The following PPP1R12C variants were observed in gnomAD, a reference collection of about 807,000 sequenced individuals.
The protein encoded by PPP1R12C is leukocyte receptor cluster (LRC) encoded novel gene 3.
Under a neutral mutation model 95.6 loss-of-function variants are expected in PPP1R12C, and 48 were observed. The observed-to-expected ratio is 0.50, with a 90% CI of 0.40 to 0.64. PPP1R12C has a LOEUF of 0.64. Among genes scored for constraint, PPP1R12C ranks in the 30% least tolerant of loss-of-function variants. The pLI, the probability that PPP1R12C is intolerant of heterozygous loss-of-function variation, is 0.00. For missense variants in PPP1R12C, 1,057 were observed against 1,083.3 expected (o/e 0.98, Z 0.34); for synonymous variants, 480 against 460.8 (o/e 1.04, Z -0.53).
chr19:55,098,924 C>T (rs753140406), intron 5 of PPP1R12C, 27 bp downstream of exon 5: 19 of 1,601,684 alleles, frequency 1.2e-5, no homozygotes, highest in Admixed American at 1.7e-5. Flanking sequence ...CGCCCTGCCC[C>T]TCACCAGCCT....
chr19:55,113,348 AGGGGCCTGGGCGGGACT>A, intron 1 of PPP1R12C: 1 of 1,350,332 alleles, frequency 7.4e-7, no homozygotes, highest in East Asian at 2.8e-5. Context: ...GGACAGACTC[AGGGGCCTGGGCGGGACT>A]CCCAGAGGGG....
rs1489935763 is a variant in PPP1R12C, at chr19:55,098,808, C to T, written c.927G>A (p.Glu309=). 4.3e-6 allele frequency: 7 copies of T among 1,613,566 alleles called. No homozygotes were observed. Among genetic ancestry groups the T allele is most frequent in the Non-Finnish European group, 5.9e-6 (7 of 1,180,008 alleles). Residue 309 remains glutamate (E), a synonymous_variant, in exon 6 of 22, where the codon GAG becomes GAA. Coordinates refer to ENST00000263433, the MANE Select transcript of PPP1R12C (RefSeq NM_017607.4). ...LADEEVLSLL[E]ELARKQEDLR... is the part of the protein sequence containing the mutation. ...CGTCCTCCTGTTTCCGGGCCAGTTC[C>T]TCCAACAGGCTCAGTACTTCCTCAT...
chr19:55,094,834 G>A (rs911331940), intron 11 of PPP1R12C, 36 bp from the exon 12 acceptor site: 2 of 1,561,002 alleles, frequency 1.3e-6, no homozygotes, highest in Non-Finnish European at 1.7e-6. Context: ...ACATTACCCA[G>A]GTGCATTGTG....
At position 55,095,588 on chromosome 19, in the gene PPP1R12C, G is replaced by C. The variant is rs201640646; in HGVS notation, c.1243C>G (p.Pro415Ala). ...PKSPVQLEEAPFSRRFGLLKT... is the reference protein window; with the variant it reads ...PKSPVQLEEAAFSRRFGLLKT... ...AGGAGGCCAAAGCGCCTGGAGAAGGGGGCCTCTTCAAGCTGCTGGGAGAAG... is the reference window on the plus strand; with the variant it reads ...AGGAGGCCAAAGCGCCTGGAGAAGGCGGCCTCTTCAAGCTGCTGGGAGAAG... Residue 415 changes from proline (P) to alanine (A), a missense_variant, in exon 10 of 22, where the codon CCC (proline) becomes GCC (alanine). Transcript: ENST00000263433. The C allele has an allele frequency of 3.9e-5, 62 of 1,569,872 alleles. No homozygotes were observed. The highest frequency in any genetic ancestry group is 1.7e-4 in the Middle Eastern group (1 of 5,844).
Position 55,092,631 on chromosome 19 carries a change from T to G in PPP1R12C, c.1943A>C (p.Gln648Pro). Reference protein sequence around the residue: ...GEEAEPADRSQESSTLEGGPS... With the variant: ...GEEAEPADRSPESSTLEGGPS... The stretch of plus-strand genomic sequence containing the variant: ...CCCACCCCGCCCCTACCTGGACTCC[T>G]GGCTGCGGTCAGCCGGCTCCGCCTC... Residue 648 changes from glutamine (Q) to proline (P), a missense_variant, in exon 17 of 22, where the codon CAG (glutamine) becomes CCG (proline). By Grantham distance (76) the Gln-to-Pro change is moderately conservative. Transcript: ENST00000263433. 3 of 1,479,654 alleles carry G rather than the reference T, an allele frequency of 2.0e-6. No homozygotes were observed. The highest frequency in any genetic ancestry group is 2.7e-6 in the Non-Finnish European group (3 of 1,106,234). 91.7% of individuals were successfully genotyped at this position (1,479,654 alleles called of 1,614,324 possible).
intron 18 of PPP1R12C, 22 bp from the exon 19 acceptor site, chr19:55,092,348 G>A (rs1014655706): frequency 6.3e-6 from 10 of 1,576,618 alleles, no homozygotes; most frequent in Middle Eastern, 1.7e-4. Context: ...GTAGAGGAGG[G>A]TCAGGTGGAG....
chr19:55,102,962 G>T (rs1275521585), intron 4 of PPP1R12C, among the ~76,000 whole-genome samples: 1 of 152,208 alleles, frequency 6.6e-6, no homozygotes, highest in Non-Finnish European at 1.5e-5. Context: ...AGCACTTTGG[G>T]AGGCTGAGGT....
intron 3 of PPP1R12C, among the ~76,000 whole-genome samples, chr19:55,106,195 G>C (rs2085036528): frequency 6.6e-6 from 1 of 150,804 alleles, no homozygotes; most frequent in Non-Finnish European, 1.5e-5. Context: ...CCTTTACAGA[G>C]AAAGTTTGCT....
rs2147176940 is a variant in PPP1R12C, at chr19:55,092,615, C to T, written c.1952+7G>A. The T allele has an allele frequency of 1.3e-6, 2 of 1,536,162 alleles. No homozygotes were observed. The highest frequency in any genetic ancestry group is 2.1e-5 in the Admixed American group (1 of 47,548). On this transcript the variant is annotated splice_region_variant and intron_variant, in intron 17 of 21. Transcript: ENST00000263433. Reference sequence around the variant, plus strand: ...CGCAGACCCCACCTCTCCCACCCCGCCCCTACCTGGACTCCTGGCTGCGGT... The same window carrying T: ...CGCAGACCCCACCTCTCCCACCCCGTCCCTACCTGGACTCCTGGCTGCGGT...
chr19:55,092,897 C>T (rs768945307), intron 15 of PPP1R12C, 29 bp from the exon 16 acceptor site: 38 of 1,602,824 alleles, frequency 2.4e-5, no homozygotes, highest in Non-Finnish European at 3.1e-5. Context: ...TCAGCCCAGG[C>T]ACCTCCAGAG....
In PPP1R12C at chr19:55,112,530, G is replaced by A; in HGVS notation, c.508C>T (p.Pro170Ser). The A allele has an allele frequency of 6.2e-7, 1 of 1,613,230 alleles. No homozygotes were observed. The highest frequency in any genetic ancestry group is 8.5e-7 in the Non-Finnish European group (1 of 1,179,768). The change falls in exon 3 of 22, where the codon CCC becomes TCC. Residue 170 changes from proline to serine, a missense_variant. Around this residue, in one of 5 missense-constraint regions of PPP1R12C, gnomAD observed 282 missense variants for 380.4 expected, o/e 0.74. Coordinates refer to ENST00000263433, the MANE Select transcript of PPP1R12C (RefSeq NM_017607.4). ...GCGTCCGACTCGGCCAGGTCCAGGG[G>A]CAGGTCCCCGTCACTGTTGACGGCG... ...IAAVNSDGDL[P>S]LDLAESDAME...
At position 55,095,892 on chromosome 19, in the gene PPP1R12C, G is replaced by A. The variant is rs763184433; in HGVS notation, c.1202C>T (p.Pro401Leu). 2.5e-6 allele frequency: 4 copies of A among 1,613,478 alleles called. No individual in the cohort carries two copies. The highest frequency in any genetic ancestry group is 2.2e-5 in the East Asian group (1 of 44,880). Residue 401 changes from proline (P) to leucine (L), a missense_variant, in exon 9 of 22, where the codon CCG becomes CTG. By Grantham distance (98) the Pro-to-Leu change is moderately conservative (BLOSUM62 -3). Around this residue, in one of 5 missense-constraint regions of PPP1R12C, gnomAD observed 356 missense variants for 330.5 expected, o/e 1.08. Coordinates refer to ENST00000263433, the MANE Select transcript of PPP1R12C (RefSeq NM_017607.4). ...PRTLNGVSSPPHPSPKSPVQL... is the reference protein window; with the variant it reads ...PRTLNGVSSPLHPSPKSPVQL... ...CACGGGACTCTTAGGGCTGGGGTGCGGCGGGGAGGAGACGCCATTGAGGGT... is the reference window on the plus strand; with the variant it reads ...CACGGGACTCTTAGGGCTGGGGTGCAGCGGGGAGGAGACGCCATTGAGGGT...
chr19:55,117,380 A>T lies in PPP1R12C; in HGVS notation c.164T>A (p.Phe55Tyr). Residue 55 changes from phenylalanine to tyrosine, a missense_variant, in exon 1 of 22, where the codon TTC (phenylalanine) becomes TAC (tyrosine). Phe to Tyr is a conservative substitution (Grantham distance 22). Transcript: ENST00000263433. ...GTCGCCGCCCGCACAGGCCGCCAGG[A>T]ACTCGGCGGCGCGCTCGAAGCGGAC... ...RTVRFERAAE[F>Y]LAACAGGDLD... 9.2e-7 allele frequency: 1 copy of T among 1,088,714 alleles called. No homozygotes were observed. The highest frequency in any genetic ancestry group is 1.1e-6 in the Non-Finnish European group (1 of 898,390). The allele number at this position is 1,088,714 out of a possible 1,614,324, so 67.4% of individuals were successfully genotyped here.
At chr19:55,110,584 A>T (rs1263511254) in intron 3 of PPP1R12C, among the ~76,000 whole-genome samples, 1 of 152,220 alleles carries the variant, frequency 6.6e-6, no homozygotes, top group Non-Finnish European at 1.5e-5. Context: ...AATGCCTGCA[A>T]CACAGTCTCA....
At chr19:55,107,476 G>A (rs896557832) in intron 3 of PPP1R12C, among the ~76,000 whole-genome samples, 6 of 152,128 alleles carry the variant, frequency 3.9e-5, no homozygotes, top group African/African-American at 1.4e-4. Context: ...TGATAGACTG[G>A]ATTAAGAAAG....
chr19:55,099,799 T>G (rs1647495055), intron 4 of PPP1R12C, among the ~76,000 whole-genome samples: 1 of 152,182 alleles, frequency 6.6e-6, no homozygotes, highest in Non-Finnish European at 1.5e-5. Flanking sequence ...CCATTCAATC[T>G]GAGGGCAAAG....
At chr19:55,098,660 G>T (rs371934853) in intron 6 of PPP1R12C, 124 bp downstream of exon 6, 1 of 1,224,022 alleles carries the variant, frequency 8.2e-7, no homozygotes, top group African/African-American at 1.5e-5. Flanking sequence ...TCACCAAGAG[G>T]GAAATAGCAG....
intron 12 of PPP1R12C, 49 bp from the exon 13 acceptor site, chr19:55,094,484 C>A (rs1446085302): frequency 3.1e-6 from 5 of 1,607,042 alleles, no homozygotes; most frequent in Non-Finnish European, 4.3e-6. Flanking sequence ...GACCCTGTCC[C>A]ATTCCGTGGC....
At chr19:55,102,359 C>T (rs8109370) in intron 4 of PPP1R12C, among the ~76,000 whole-genome samples, 6,667 of 152,162 alleles carry the variant, frequency 0.044, 514 homozygotes, top group African/African-American at 0.15. Flanking sequence ...GCTAGAAATA[C>T]GAGTTAGCCA....
Sources: allele counts gnomAD v4.1 joint callset (sites outside exome capture counted in the v4.1 genomes callset), GRCh38; gene constraint gnomAD v4.1.1; regional missense constraint gnomAD v4.1.1; transcripts MANE v1.5; gene names NCBI Gene and HGNC (gene_info 2026-07-23, HGNC 2026-07-21).